The following SEMA6A variants were observed in gnomAD, a reference collection of about 807,000 sequenced individuals.
The protein encoded by SEMA6A is semaphorin-6A.
SEMA6A carries 25 observed loss-of-function variants against 96.8 expected under a neutral mutation model. The ratio of observed to expected loss-of-function variants is 0.26; its 90% CI spans 0.19 to 0.36. The LOEUF is 0.36. Ranked by LOEUF, SEMA6A falls within the 10% of genes least tolerant of loss-of-function variation. The pLI is 1.00. For synonymous variants in SEMA6A, 612 were observed against 518.0 expected, an observed-to-expected ratio of 1.18 and a Z score of -2.46; for missense variants, 1,363 against 1,323.1, an observed-to-expected ratio of 1.03 and a Z score of -0.47.
chr5:116,526,281 A>T (rs1047526612), intron 1 of SEMA6A, among the ~76,000 whole-genome samples: 2 of 152,028 alleles, frequency 1.3e-5, no homozygotes, highest in Non-Finnish European at 2.9e-5. Flanking sequence ...CCTTTTCTTA[A>T]GACACTCTTC....
At chr5:116,556,089 G>T (rs997703885) in intron 1 of SEMA6A, among the ~76,000 whole-genome samples, 1 of 152,098 alleles carries the variant, frequency 6.6e-6, no homozygotes, top group South Asian at 2.1e-4. Flanking sequence ...TCCTAACTGG[G>T]CACTGGACCC....
At chr5:116,532,551 C>G (rs528241297) in intron 1 of SEMA6A, among the ~76,000 whole-genome samples, 23 of 152,264 alleles carry the variant, frequency 1.5e-4, no homozygotes, top group Non-Finnish European at 2.9e-4. Flanking sequence ...TCCCTCCCCC[C>G]CAGTCCTGAA....
At chr5:116,454,702 G>A (rs910259621) in intron 18 of SEMA6A, among the ~76,000 whole-genome samples, 1 of 152,142 alleles carries the variant, frequency 6.6e-6, no homozygotes, top group Non-Finnish European at 1.5e-5. Flanking sequence ...GGCATAATGT[G>A]AACCAGATGG....
At chr5:116,464,875 C>T (rs1262320983) in intron 18 of SEMA6A, among the ~76,000 whole-genome samples, 1 of 152,170 alleles carries the variant, frequency 6.6e-6, no homozygotes, top group South Asian at 2.1e-4. Flanking sequence ...CATGGGCATG[C>T]CTTGCTCACT....
chr5:116,483,246 C>T lies in SEMA6A; in HGVS notation c.963-671G>A, dbSNP rs115503890. Reference sequence around the variant, plus strand: ...CCTATAATTATATCCTTGCCTGGCACCCCTGGAAGGACTTAGGCTTCTTTT... The same window carrying T: ...CCTATAATTATATCCTTGCCTGGCATCCCTGGAAGGACTTAGGCTTCTTTT... On this transcript the variant is annotated intron_variant, in intron 10 of 18. Coordinates refer to ENST00000343348, the MANE Select transcript of SEMA6A (RefSeq NM_020796.5). Among the ~76,000 whole-genome samples, 550 of 152,282 alleles carry T rather than the reference C, an allele frequency of 3.6e-3. 4 individuals are homozygous for T. The highest frequency in any genetic ancestry group is 0.013 in the African/African-American group (529 of 41,568).
At chr5:116,450,182 T>C (rs1229700287) in intron 18 of SEMA6A, among the ~76,000 whole-genome samples, 5 of 152,250 alleles carry the variant, frequency 3.3e-5, no homozygotes, top group African/African-American at 1.2e-4. Flanking sequence ...AAAATGGTTT[T>C]AATTTCTCTC....
At chr5:116,531,456 C>T (rs911949356) in intron 1 of SEMA6A, among the ~76,000 whole-genome samples, 4 of 152,006 alleles carry the variant, frequency 2.6e-5, no homozygotes, top group Admixed American at 1.3e-4. Context: ...CCCTCCTGTT[C>T]GACTGGAGAC....
chr5:116,543,894 T>C (rs951150777), intron 1 of SEMA6A, among the ~76,000 whole-genome samples: 1 of 152,242 alleles, frequency 6.6e-6, no homozygotes, highest in Non-Finnish European at 1.5e-5. Context: ...GCAGGCTCTC[T>C]CTTCTCTACT....
intron 18 of SEMA6A, among the ~76,000 whole-genome samples, chr5:116,451,914 C>T (rs770923667): frequency 1.3e-4 from 19 of 151,486 alleles, no homozygotes; most frequent in Non-Finnish European, 1.9e-4. Context: ...GAGTCGATGA[C>T]GATAAATGGG....
intron 1 of SEMA6A, among the ~76,000 whole-genome samples, chr5:116,521,088 G>T (rs1456032099): frequency 6.6e-6 from 1 of 152,238 alleles, no homozygotes; most frequent in East Asian, 1.9e-4. Flanking sequence ...GCATTTGCAA[G>T]GAGACAGATG....
chr5:116,538,870 T>C (rs967871522), intron 1 of SEMA6A, among the ~76,000 whole-genome samples: 1 of 152,178 alleles, frequency 6.6e-6, no homozygotes, highest in East Asian at 1.9e-4. Context: ...GGCACCCTAT[T>C]ACCATGCTGT....
At position 116,486,981 on chromosome 5, in the gene SEMA6A, C is replaced by T; in HGVS notation, c.745-15G>A. The T allele has an allele frequency of 6.3e-7, 1 of 1,585,942 alleles. No homozygotes were observed. On this transcript the variant is annotated splice_polypyrimidine_tract_variant and intron_variant, in intron 9 of 18. Coordinates refer to ENST00000343348, the MANE Select transcript of SEMA6A (RefSeq NM_020796.5). ...GGGAAAACTACCTGCAGAGGAAAAA[C>T]ACATAGGGAAAATTAAATGCATTCA...
At chr5:116,557,969 T>C (rs1348815147) in intron 1 of SEMA6A, among the ~76,000 whole-genome samples, 1 of 152,264 alleles carries the variant, frequency 6.6e-6, no homozygotes, top group Non-Finnish European at 1.5e-5. Flanking sequence ...TTTCTCGGCA[T>C]TATGATACCA....
chr5:116,467,580 T>C lies in SEMA6A; in HGVS notation c.1894+3A>G. The C allele has an allele frequency of 6.2e-7, 1 of 1,611,762 alleles. No homozygotes were observed. Among genetic ancestry groups the C allele is most frequent in the Non-Finnish European group, 8.5e-7 (1 of 1,179,020 alleles). Reference sequence around the variant, plus strand: ...AGAGGAAGAGGCATTTCCAAGGCCTTACCCTTCTTGTCTTGGTGATTATGG... The same window carrying C: ...AGAGGAAGAGGCATTTCCAAGGCCTCACCCTTCTTGTCTTGGTGATTATGG... On this transcript the variant is annotated splice_donor_region_variant and intron_variant, in intron 18 of 18. Coordinates refer to ENST00000343348, the MANE Select transcript of SEMA6A (RefSeq NM_020796.5).
At chr5:116,494,880 T>A (rs1757507942) in intron 6 of SEMA6A, among the ~76,000 whole-genome samples, 1 of 152,168 alleles carries the variant, frequency 6.6e-6, no homozygotes, top group South Asian at 2.1e-4. Flanking sequence ...CCAGCTAGAT[T>A]TACTAACTCT....
In SEMA6A at chr5:116,447,512, G is replaced by T; in HGVS notation, c.2194C>A (p.Leu732Ile). Residue 732 changes from leucine to isoleucine, a missense_variant, in exon 19 of 19, where the codon CTC becomes ATC. By Grantham distance (5) the Leu-to-Ile change is conservative (BLOSUM62 2). Around this residue, in one of 2 missense-constraint regions of SEMA6A, gnomAD observed 883 missense variants for 763.6 expected, o/e 1.16. Transcript: ENST00000343348. ...ILTPLMHNGK[L>I]ATPGNTAKML... ...TTGGCCGTGTTGCCGGGAGTGGCGAGCTTGCCGTTGTGCATGAGTGGCGTG... is the reference window on the plus strand; with the variant it reads ...TTGGCCGTGTTGCCGGGAGTGGCGATCTTGCCGTTGTGCATGAGTGGCGTG... The T allele has an allele frequency of 6.2e-7, 1 of 1,614,088 alleles. No homozygotes were observed. The highest frequency in any genetic ancestry group is 1.3e-5 in the African/African-American group (1 of 75,082).
Position 116,477,851 on chromosome 5 carries a change from G to A in SEMA6A, c.1644C>T (p.Asn548=). Residue 548 remains asparagine (N), a synonymous_variant, in exon 15 of 19, where the codon AAC becomes AAT. Transcript: ENST00000343348. ...CCACACCTCAGGCTGCCTACCTGCT[G>A]TTGGGTGATAAATGGCTGCAGGCAC... ...EGGACSHLSP[N]SRLTFEQDIE... 3.7e-6 allele frequency: 6 copies of A among 1,613,812 alleles called. No homozygotes were observed. The highest frequency in any genetic ancestry group is 5.1e-6 in the Non-Finnish European group (6 of 1,179,846).
chr5:116,461,987 C>CAGAGAAAATT (rs1755435372), intron 18 of SEMA6A, among the ~76,000 whole-genome samples: 1 of 152,070 alleles, frequency 6.6e-6, no homozygotes, highest in African/African-American at 2.4e-5. Flanking sequence ...AAATTAAGCC[C>CAGAGAAAATT]AAGTTTAAGA....
intron 1 of SEMA6A, among the ~76,000 whole-genome samples, chr5:116,522,877 C>T (rs1302626833): frequency 6.6e-6 from 1 of 152,192 alleles, no homozygotes; most frequent in Non-Finnish European, 1.5e-5. Context: ...GGACACCTGA[C>T]ATTTTAAAAG....
Sources: allele counts gnomAD v4.1 joint callset (sites outside exome capture counted in the v4.1 genomes callset), GRCh38; gene constraint gnomAD v4.1.1; regional missense constraint gnomAD v4.1.1; transcripts MANE v1.5; gene names NCBI Gene and HGNC (gene_info 2026-07-23, HGNC 2026-07-21).